FHIP1A: variants seen among roughly 807,000 people sequenced by gnomAD.
The protein encoded by FHIP1A is FHF complex subunit HOOK interacting protein 1A, also known as FHF complex subunit HOOK-interacting protein 1A.
In FHIP1A, 61 loss-of-function variants were observed where a neutral mutation model predicts 88.6. That is an observed-to-expected ratio of 0.69 (90% CI 0.56 to 0.85). FHIP1A has a LOEUF of 0.85. Among genes scored for constraint, FHIP1A ranks in the 40% least tolerant of loss-of-function variants. The pLI is 0.00. For synonymous variants in FHIP1A, 478 were observed against 496.0 expected (o/e 0.96, Z 0.48); for missense variants, 1,154 against 1,273.5 (o/e 0.91, Z 1.43).
chr4:151,581,150 G>T (rs138651175), intron 5 of FHIP1A, among the ~76,000 whole-genome samples: 1 of 152,164 alleles, frequency 6.6e-6, no homozygotes, highest in Admixed American at 6.5e-5. Context: ...GAGCCACTGC[G>T]CCCGTCCAGA....
chr4:151,441,361 A>C (rs937111018), intron 1 of FHIP1A, among the ~76,000 whole-genome samples: 1 of 152,100 alleles, frequency 6.6e-6, no homozygotes, highest in Non-Finnish European at 1.5e-5. Flanking sequence ...TTTAAAAAAA[A>C]CTGGATGATA....
intron 7 of FHIP1A, among the ~76,000 whole-genome samples, chr4:151,616,841 G>A (rs1261482180): frequency 1.3e-5 from 2 of 151,998 alleles, no homozygotes; most frequent in African/African-American, 4.8e-5. Flanking sequence ...TCCATCTCCT[G>A]GGTTCCAGTG....
intron 10 of FHIP1A, among the ~76,000 whole-genome samples, chr4:151,647,129 C>G (rs1053232268): frequency 6.6e-5 from 10 of 152,170 alleles, no homozygotes; most frequent in Admixed American, 2.0e-4. Context: ...TTATAGAAAT[C>G]TGTCATAAGG....
At chr4:151,490,837 T>A (rs1287377632) in intron 3 of FHIP1A, among the ~76,000 whole-genome samples, 2 of 151,908 alleles carry the variant, frequency 1.3e-5, no homozygotes, top group East Asian at 3.9e-4. Flanking sequence ...AGACCCACTT[T>A]GAGAAATGCA....
intron 7 of FHIP1A, among the ~76,000 whole-genome samples, chr4:151,622,166 G>C (rs1735770513): frequency 6.6e-6 from 1 of 152,176 alleles, no homozygotes; most frequent in Non-Finnish European, 1.5e-5. Context: ...AACTGAGAAG[G>C]GGAACTGACA....
At chr4:151,445,573 G>A (rs1728568198) in intron 1 of FHIP1A, among the ~76,000 whole-genome samples, 1 of 151,734 alleles carries the variant, frequency 6.6e-6, no homozygotes, top group South Asian at 2.1e-4. Context: ...CATAAATTCA[G>A]GTGTGTTTGA....
Position 151,562,513 on chromosome 4 carries a change from A to G in FHIP1A, c.-122-3625A>G, listed in dbSNP as rs76857319. 5.3e-3 allele frequency among the ~76,000 whole-genome samples: 808 copies of G among 152,298 alleles called. 6 individuals carry two copies. The highest frequency in any genetic ancestry group is 0.019 in the African/African-American group (786 of 41,564). On this transcript the variant is annotated intron_variant, in intron 3 of 13. Transcript: ENST00000435205. ...TCATTCCCATTAGGCCTGCCAATAT[A>G]ATCACTTTTCCTTCAATAAAAATGT...
intron 1 of FHIP1A, among the ~76,000 whole-genome samples, chr4:151,439,856 T>C (rs1406405795): frequency 6.6e-6 from 1 of 152,222 alleles, no homozygotes. Context: ...CAATCTTTGT[T>C]CTTCCTTTTA....
chr4:151,640,152 A>C (rs1736516784), intron 9 of FHIP1A, among the ~76,000 whole-genome samples: 1 of 152,246 alleles, frequency 6.6e-6, no homozygotes. Flanking sequence ...ATGTTTTAAC[A>C]AATTCCGGGG....
chr4:151,600,707 A>ATC (rs1031574584), intron 7 of FHIP1A, among the ~76,000 whole-genome samples: 1 of 151,768 alleles, frequency 6.6e-6, no homozygotes, highest in Admixed American at 6.6e-5. Flanking sequence ...GGCTGATTAG[A>ATC]TCTCTCTCTC....
chr4:151,643,433 A>G (rs919388207), intron 9 of FHIP1A, among the ~76,000 whole-genome samples: 1 of 152,210 alleles, frequency 6.6e-6, no homozygotes, highest in African/African-American at 2.4e-5. Flanking sequence ...CTATCATGTC[A>G]AGCATTTATC....
chr4:151,644,822 TGTG>T lies in FHIP1A; in HGVS notation c.1227-1732_1227-1730del, dbSNP rs1219048703. Among the ~76,000 whole-genome samples, 4 of 152,100 alleles carry T rather than the reference TGTG, an allele frequency of 2.6e-5. 1 individual carries two copies. The highest frequency in any genetic ancestry group is 5.9e-5 in the Non-Finnish European group (4 of 68,008). On this transcript the variant is annotated intron_variant, in intron 9 of 13. Transcript: ENST00000435205. ...CCTGCTGTGCACCCTGGCGCCCTCCTGTGGTGCTAGAGCAGCATTGTCTTCTCT... is the reference window on the plus strand; with the variant it reads ...CCTGCTGTGCACCCTGGCGCCCTCCTGTGCTAGAGCAGCATTGTCTTCTCT...
rs1737502109 is a variant in FHIP1A, at chr4:151,662,560, A to G, written c.2929A>G (p.Arg977Gly). The G allele has an allele frequency of 1.3e-6, 2 of 1,551,306 alleles. No individual in the cohort carries two copies. The highest frequency in any genetic ancestry group is 1.7e-6 in the Non-Finnish European group (2 of 1,146,842). The change falls in exon 14 of 14, where the codon AGA becomes GGA. Residue 977 changes from arginine to glycine, a missense_variant. Arg to Gly is a moderately radical substitution (Grantham distance 125). Coordinates refer to ENST00000435205, the MANE Select transcript of FHIP1A (RefSeq NM_001109977.3). ...SGKNLLDGPP[R>G]VLQPFLTHRT... ...CAAGAACCTTTTGGATGGACCTCCAAGAGTGCTTCAGCCCTTCCTGACCCA... is the reference window on the plus strand; with the variant it reads ...CAAGAACCTTTTGGATGGACCTCCAGGAGTGCTTCAGCCCTTCCTGACCCA...
chr4:151,572,702 A>C (rs1733641557), intron 4 of FHIP1A, among the ~76,000 whole-genome samples: 1 of 152,244 alleles, frequency 6.6e-6, no homozygotes, highest in Admixed American at 6.5e-5. Context: ...ACCTTATTTT[A>C]GCATTCCAAA....
intron 5 of FHIP1A, among the ~76,000 whole-genome samples, chr4:151,584,704 G>A (rs72728194): frequency 0.012 from 1,865 of 152,178 alleles, 15 homozygotes; most frequent in Non-Finnish European, 0.018. Context: ...AACCCTGCAG[G>A]ATCTGATTCC....
chr4:151,481,919 C>A (rs1377970198), intron 2 of FHIP1A, among the ~76,000 whole-genome samples: 1 of 152,022 alleles, frequency 6.6e-6, no homozygotes, highest in East Asian at 1.9e-4. Context: ...TCATGTTTTT[C>A]TGGTTGTAAG....
chr4:151,580,842 A>ATTAT (rs776298061), intron 5 of FHIP1A, among the ~76,000 whole-genome samples: 36 of 151,574 alleles, frequency 2.4e-4, no homozygotes, highest in African/African-American at 7.2e-4. Context: ...AACATGTTGA[A>ATTAT]TTATTTATTT....
chr4:151,504,093 C>T (rs1048165508), intron 3 of FHIP1A, among the ~76,000 whole-genome samples: 2 of 152,230 alleles, frequency 1.3e-5, no homozygotes, highest in Non-Finnish European at 2.9e-5. Flanking sequence ...AACTCGAGAT[C>T]AACTATTCTA....
chr4:151,432,811 G>A (rs923106584), intron 1 of FHIP1A, among the ~76,000 whole-genome samples: 1 of 152,188 alleles, frequency 6.6e-6, no homozygotes, highest in African/African-American at 2.4e-5. Context: ...AGGCTAGACA[G>A]GAGAGAGATT....
Sources: allele counts gnomAD v4.1 joint callset (sites outside exome capture counted in the v4.1 genomes callset), GRCh38; gene constraint gnomAD v4.1.1; transcripts MANE v1.5; gene names NCBI Gene and HGNC (gene_info 2026-07-23, HGNC 2026-07-21).